Variants in MEGF6 observed in about 807,000 individuals in gnomAD.
MEGF6 encodes multiple epidermal growth factor-like domains protein 6.
In MEGF6, 184 loss-of-function variants were observed where a neutral mutation model predicts 207.1. That is an observed-to-expected ratio of 0.89 (90% confidence interval 0.79 to 1.00). MEGF6 has a LOEUF of 1.00. Ranked by LOEUF, MEGF6 falls within the 50% of genes least tolerant of loss-of-function variation. The pLI, the probability that MEGF6 is intolerant of heterozygous loss-of-function variation, is 0.00. For synonymous variants in MEGF6, 1,038 were observed against 910.0 expected (o/e 1.14, Z -2.53); for missense variants, 2,282 against 2,202.9 (o/e 1.04, Z -0.72).
upstream of MEGF6, among the ~76,000 whole-genome samples, chr1:3,614,886 CACAA>C (rs927053704): frequency 6.6e-6 from 1 of 152,266 alleles, no homozygotes; most frequent in African/African-American, 2.4e-5. Flanking sequence ...CTGAACTCAT[CACAA>C]ACAGACTCTG....
At position 3,509,955 on chromosome 1, in the gene MEGF6, C is replaced by G; in HGVS notation, c.1272G>C (p.Glu424Asp). 2 of 1,582,070 alleles carry G rather than the reference C, an allele frequency of 1.3e-6. No individual in the cohort carries two copies. Among genetic ancestry groups the G allele is most frequent in the Non-Finnish European group, 1.7e-6 (2 of 1,168,880 alleles). ...DECASSRGGC[E>D]HHCTNLAGSF... Reference sequence around the variant, plus strand: ...AGCCGGCCAGGTTGGTGCAGTGGTGCTCGCAGCCGCCACGGCTGGAGGCGC... The same window carrying G: ...AGCCGGCCAGGTTGGTGCAGTGGTGGTCGCAGCCGCCACGGCTGGAGGCGC... The change falls in exon 11 of 37, where the codon GAG (glutamate) becomes GAC (aspartate). Residue 424 changes from glutamate to aspartate, a missense_variant. Glu to Asp is a conservative substitution (Grantham distance 45). Transcript: ENST00000356575.
At chr1:3,608,770 C>G (rs554895251) in intron 1 of MEGF6, among the ~76,000 whole-genome samples, 1 of 152,190 alleles carries the variant, frequency 6.6e-6, no homozygotes, top group Non-Finnish European at 1.5e-5. Flanking sequence ...TCCCAGACCC[C>G]GTTCCCAGAT....
intron 18 of MEGF6, 91 bp from the exon 19 acceptor site, chr1:3,501,399 C>A: frequency 6.8e-7 from 1 of 1,469,916 alleles, no homozygotes; most frequent in South Asian, 1.3e-5. Context: ...GAGCCACGGC[C>A]GAGGAGGTGG....
At chr1:3,519,411 A>T (rs1009571292) in intron 5 of MEGF6, among the ~76,000 whole-genome samples, 7 of 152,358 alleles carry the variant, frequency 4.6e-5, no homozygotes, top group East Asian at 3.9e-4. Context: ...GGGCACTCCC[A>T]GGTGGGAGCT....
In MEGF6 at chr1:3,523,220, A is replaced by AC. The variant is rs1448540943; in HGVS notation, c.604+903dup. On this transcript the variant is annotated intron_variant, in intron 5 of 36. Transcript: ENST00000356575. ...CCTGACGCCCATCACCCAGAGAATG[A>AC]CCCCCCATGCCTCCCAGACAGAGAC... Among the ~76,000 whole-genome samples, 3 of 151,346 alleles carry AC rather than the reference A, an allele frequency of 2.0e-5. No homozygotes were observed. The South Asian group carries it at 6.3e-4, about 32-fold the overall frequency.
chr1:3,523,692 C>A (rs1641851368), intron 5 of MEGF6, among the ~76,000 whole-genome samples: 1 of 152,212 alleles, frequency 6.6e-6, no homozygotes, highest in African/African-American at 2.4e-5. Flanking sequence ...CGTCCCCCAC[C>A]ACGTAGCACG....
chr1:3,612,277 T>C (rs2794326), upstream of MEGF6, among the ~76,000 whole-genome samples: 141,684 of 151,914 alleles, frequency 0.93, 66,245 homozygotes, highest in East Asian at 0.98. Context: ...GAGGCGCTAA[T>C]TTCTAGGGTG....
chr1:3,511,730 G>A, intron 8 of MEGF6, 43 bp from the exon 9 acceptor site: 2 of 1,580,462 alleles, frequency 1.3e-6, no homozygotes, highest in African/African-American at 1.3e-5. Flanking sequence ...TGGCGGCTAG[G>A]ATGACCCCCA....
At position 3,501,893 on chromosome 1, in the gene MEGF6, G is replaced by C. The variant is rs1001408486; in HGVS notation, c.2217C>G (p.Asn739Lys). 1.9e-6 allele frequency: 3 copies of C among 1,608,918 alleles called. No individual in the cohort carries two copies. The Admixed American group carries it at 5.1e-5, about 27-fold the overall frequency. Residue 739 changes from asparagine (N) to lysine (K), a missense_variant, in exon 18 of 37, where the codon AAC becomes AAG. Asn to Lys is a moderately conservative substitution (Grantham distance 94). Coordinates refer to ENST00000356575, the MANE Select transcript of MEGF6 (RefSeq NM_001409.4). ...CCCCACAGGAGCAGGAGCTCGAGCA[G>C]TTCACGCCAAACGTCCCCACCGGGC... ...QECPVGTFGVNCSSSCSCGGA... is the reference protein window; with the variant it reads ...QECPVGTFGVKCSSSCSCGGA...
chr1:3,524,724 C>T (rs1570050596), intron 4 of MEGF6, among the ~76,000 whole-genome samples: 1 of 152,206 alleles, frequency 6.6e-6, no homozygotes, highest in East Asian at 1.9e-4. Flanking sequence ...AGTGTCCCCG[C>T]AGTTCATGGC....
chr1:3,501,162 C>A lies in MEGF6; in HGVS notation c.2446+15G>T. On this transcript the variant is annotated intron_variant, in intron 19 of 36. Transcript: ENST00000356575. ...CCCCAGGTCAAAGGCTCAGGGGCAG[C>A]TCCAGCTCACTCACCGTCCTGGCAG... The A allele has an allele frequency of 6.2e-7, 1 of 1,612,528 alleles. No individual in the cohort carries two copies. The highest frequency in any genetic ancestry group is 8.5e-7 in the Non-Finnish European group (1 of 1,179,868).
intron 3 of MEGF6, among the ~76,000 whole-genome samples, chr1:3,591,750 G>C (rs76082356): frequency 8.2e-6 from 1 of 121,366 alleles, no homozygotes; most frequent in Admixed American, 8.2e-5. Context: ...GCCGGCAAGG[G>C]GGCTGTTGGG....
At chr1:3,530,972 G>C in intron 4 of MEGF6, 1 of 1,359,658 alleles carries the variant, frequency 7.4e-7, no homozygotes, top group East Asian at 3.1e-5. Context: ...GCTCCCTCCA[G>C]CCTAGCAGGC....
At chr1:3,543,574 G>A (rs1042585511) in intron 4 of MEGF6, among the ~76,000 whole-genome samples, 7 of 152,138 alleles carry the variant, frequency 4.6e-5, no homozygotes, top group Admixed American at 1.3e-4. Context: ...ACCCCCGGGC[G>A]GGAGGCGGGG....
At chr1:3,546,555 G>C (rs1015080923) in intron 4 of MEGF6, among the ~76,000 whole-genome samples, 2 of 151,796 alleles carry the variant, frequency 1.3e-5, no homozygotes, top group Non-Finnish European at 2.9e-5. Context: ...CAGTGGGCTG[G>C]GAAGGGGGCT....
intron 4 of MEGF6, among the ~76,000 whole-genome samples, chr1:3,547,337 G>A (rs981483801): frequency 1.3e-5 from 2 of 152,302 alleles, no homozygotes; most frequent in African/African-American, 2.4e-5. Context: ...TCGCTCCCAG[G>A]GAAGGTGGCC....
In MEGF6 at chr1:3,501,309, CTA is replaced by C; in HGVS notation, c.2315-3_2315-2del. ...AGCCCCCAGCGGCCCTCGGGACAAT[CTA>C]GTGCCCACCCCCATGGCCAGTCAGT... On this transcript the variant is annotated splice_acceptor_variant and splice_polypyrimidine_tract_variant and intron_variant, in intron 18 of 36. Coordinates refer to ENST00000356575, the MANE Select transcript of MEGF6 (RefSeq NM_001409.4). LOFTEE classifies it high-confidence loss of function. The C allele has an allele frequency of 6.3e-7, 1 of 1,594,848 alleles. No homozygotes were observed. Among genetic ancestry groups the C allele is most frequent in the Admixed American group, 1.7e-5 (1 of 58,048 alleles).
chr1:3,608,834 A>T (rs1426854325), intron 1 of MEGF6, among the ~76,000 whole-genome samples: 1 of 152,168 alleles, frequency 6.6e-6, no homozygotes, highest in Non-Finnish European at 1.5e-5. Context: ...GAGGCCAGCC[A>T]TCCTTCCTCA....
At chr1:3,513,146 T>TG (rs1182267819) in intron 7 of MEGF6, among the ~76,000 whole-genome samples, 11 of 152,342 alleles carry the variant, frequency 7.2e-5, no homozygotes, top group Admixed American at 5.9e-4. Flanking sequence ...AGGTGTTTCC[T>TG]GGGCTCAGGA....
Sources: gnomAD v4.1 joint callset for allele counts (sites outside exome capture counted in the v4.1 genomes callset) on GRCh38, gnomAD v4.1.1 for gene constraint, MANE v1.5 for transcripts, NCBI Gene and HGNC (gene_info 2026-07-23, HGNC 2026-07-21) for gene names.